The following ZMYND12 variants were observed in gnomAD, a reference collection of about 807,000 sequenced individuals.
ZMYND12 encodes zinc finger MYND-type containing 12, also known as zinc finger MYND domain-containing protein 12.
A neutral mutation model predicts 41.7 loss-of-function variants in ZMYND12; 32 were observed. The observed-to-expected ratio is 0.77, with a 90% CI of 0.58 to 1.03. The LOEUF is 1.03. ZMYND12 is among the 50% of genes least tolerant of loss of function. ZMYND12 has a pLI of 0.00. For synonymous variants in ZMYND12, 148 were observed against 164.8 expected (o/e 0.90, Z 0.78); for missense variants, 424 against 438.5 (o/e 0.97, Z 0.30).
intron 1 of ZMYND12, among the ~76,000 whole-genome samples, chr1:42,452,835 A>C (rs1218032875): frequency 4.6e-5 from 7 of 152,206 alleles, no homozygotes; most frequent in African/African-American, 1.7e-4. Flanking sequence ...AAATAAATGT[A>C]TTCAGAGAAA....
At chr1:42,449,235 T>C (rs1166570606) in intron 2 of ZMYND12, among the ~76,000 whole-genome samples, 2 of 152,240 alleles carry the variant, frequency 1.3e-5, no homozygotes, top group Non-Finnish European at 2.9e-5. Context: ...ATAATAATAG[T>C]GGCAGGTTTT....
intron 1 of ZMYND12, among the ~76,000 whole-genome samples, chr1:42,455,243 G>T (rs1643145210): frequency 1.3e-5 from 2 of 152,170 alleles, no homozygotes; most frequent in Admixed American, 1.3e-4. Context: ...TCAAAATGCA[G>T]CTCAAATGTT....
At chr1:42,445,431 TA>T (rs573648674) in intron 3 of ZMYND12, among the ~76,000 whole-genome samples, 1,156 of 106,642 alleles carry the variant, frequency 0.011, 6 homozygotes, top group African/African-American at 0.032. Context: ...GGACTCCGTC[TA>T]AAAAAAAAAA....
At chr1:42,447,860 A>T (rs1643040080) in intron 3 of ZMYND12, among the ~76,000 whole-genome samples, 1 of 152,010 alleles carries the variant, frequency 6.6e-6, no homozygotes. Flanking sequence ...TCTCCCATCT[A>T]TAGGGGTGGG....
At chr1:42,437,152 T>G (rs142619840) in intron 4 of ZMYND12, among the ~76,000 whole-genome samples, 17 of 152,264 alleles carry the variant, frequency 1.1e-4, no homozygotes, top group African/African-American at 3.9e-4. Context: ...CATGGATGAA[T>G]CTCAAAATAA....
At position 42,452,299 on chromosome 1, in the gene ZMYND12, T is replaced by C. The variant is rs187489277; in HGVS notation, c.111-2240A>G. On this transcript the variant is annotated intron_variant, in intron 1 of 7. Coordinates refer to ENST00000372565, the MANE Select transcript of ZMYND12 (RefSeq NM_032257.5). ...ATTCAAGAACAGGAAGCAATAGTAT[T>C]TGTAGTGAATTACAGAATGTACGCC... Among the ~76,000 whole-genome samples, 25 of 152,346 alleles carry C rather than the reference T, an allele frequency of 1.6e-4. No individual in the cohort carries two copies. The South Asian group carries it at 2.7e-3, about 16-fold the overall frequency.
chr1:42,437,750 T>A (rs1363380754), intron 4 of ZMYND12, among the ~76,000 whole-genome samples: 1 of 151,990 alleles, frequency 6.6e-6, no homozygotes, highest in Non-Finnish European at 1.5e-5. Flanking sequence ...GGCGCAATCC[T>A]GGCTCACTGC....
intron 2 of ZMYND12, among the ~76,000 whole-genome samples, chr1:42,449,220 T>C (rs1262328179): frequency 6.6e-6 from 1 of 152,230 alleles, no homozygotes; most frequent in African/African-American, 2.4e-5. Flanking sequence ...TACTCAACAC[T>C]ATACATAATA....
At chr1:42,438,633 C>T (rs7529199) in intron 4 of ZMYND12, among the ~76,000 whole-genome samples, 32,801 of 152,064 alleles carry the variant, frequency 0.22, 3,751 homozygotes, top group South Asian at 0.43. Flanking sequence ...GGCCAGAGAG[C>T]AATGGAGTCC....
chr1:42,436,468 A>C lies in ZMYND12; in HGVS notation c.670T>G (p.Phe224Val), dbSNP rs895088721. 3 of 1,613,712 alleles carry C rather than the reference A, an allele frequency of 1.9e-6. No homozygotes were observed. The highest frequency in any genetic ancestry group is 2.7e-5 in the African/African-American group (2 of 74,928). The change falls in exon 5 of 8, where the codon TTC becomes GTC. Residue 224 changes from phenylalanine to valine, a missense_variant. Physicochemically the swap from Phe to Val is conservative, Grantham distance 50. Transcript: ENST00000372565. ...SGGYFHLANI[F>V]YDLKKLDLAD... ...AGGTCCAACTTTTTAAGGTCATAGA[A>C]TATATTAGCCAGGTGGAAGTAGCCT...
intron 6 of ZMYND12, 150 bp downstream of exon 6, chr1:42,435,124 C>T (rs1017845548): frequency 3.2e-6 from 2 of 633,584 alleles, no homozygotes; most frequent in African/African-American, 3.7e-5. Flanking sequence ...TCTTTGATCC[C>T]CGTGTCTCAG....
intron 6 of ZMYND12, among the ~76,000 whole-genome samples, chr1:42,434,724 T>C (rs1213523193): frequency 6.6e-6 from 1 of 151,970 alleles, no homozygotes; most frequent in Admixed American, 6.6e-5. Flanking sequence ...CACTCCCAGA[T>C]GGGACCATCT....
At chr1:42,442,023 G>A (rs1022087212) in intron 3 of ZMYND12, among the ~76,000 whole-genome samples, 5 of 152,170 alleles carry the variant, frequency 3.3e-5, no homozygotes, top group African/African-American at 1.2e-4. Context: ...CAAATATGGA[G>A]GGTGTAGGGA....
At chr1:42,434,991 T>G (rs551560177) in intron 6 of ZMYND12, among the ~76,000 whole-genome samples, 3 of 152,162 alleles carry the variant, frequency 2.0e-5, no homozygotes, top group Non-Finnish European at 4.4e-5. Context: ...AAATGGATGC[T>G]CTGCAGAAAT....
chr1:42,435,010 G>A (rs1424621902), intron 6 of ZMYND12, among the ~76,000 whole-genome samples: 1 of 151,998 alleles, frequency 6.6e-6, no homozygotes, highest in Non-Finnish European at 1.5e-5. Context: ...ATCACAGGGG[G>A]CTTTGATGTG....
Position 42,450,858 on chromosome 1 carries a change from G to T in ZMYND12, c.111-799C>A, listed in dbSNP as rs548149311. On this transcript the variant is annotated intron_variant, in intron 1 of 7. Transcript: ENST00000372565. ...TTCTTCTGTGACTCATTGGTTAAGA[G>T]TGTGTTATTTCTACATATTTGTAAA... Among the ~76,000 whole-genome samples the T allele has an allele frequency of 6.6e-4, 100 of 152,274 alleles. 2 individuals are homozygous for T. The highest frequency in any genetic ancestry group is 3.4e-3 in the Middle Eastern group (1 of 294).
chr1:42,439,533 G>C (rs957088068), intron 4 of ZMYND12, among the ~76,000 whole-genome samples: 2 of 151,658 alleles, frequency 1.3e-5, no homozygotes, highest in Non-Finnish European at 2.9e-5. Context: ...CAAAGTGCTG[G>C]GATTACAGGC....
chr1:42,455,927 G>C lies in ZMYND12; in HGVS notation c.71C>G (p.Ala24Gly). 6.2e-7 allele frequency: 1 copy of C among 1,613,762 alleles called. No homozygotes were observed. The highest frequency in any genetic ancestry group is 1.3e-5 in the African/African-American group (1 of 75,040). ...TGTGCAGGCCGCGCACACCCGCTCGGCTGGGGCTTCGCACACCTCACAGCA... is the reference window on the plus strand; with the variant it reads ...TGTGCAGGCCGCGCACACCCGCTCGCCTGGGGCTTCGCACACCTCACAGCA... ...RLCCEVCEAP[A>G]ERVCAACTVT... The change falls in exon 1 of 8, where the codon GCC (alanine) becomes GGC (glycine). Residue 24 changes from alanine (A) to glycine (G), a missense_variant. By Grantham distance (60) the Ala-to-Gly change is moderately conservative. Transcript: ENST00000372565.
At chr1:42,435,717 T>C (rs1049205504) in intron 5 of ZMYND12, among the ~76,000 whole-genome samples, 4 of 152,222 alleles carry the variant, frequency 2.6e-5, no homozygotes, top group Non-Finnish European at 5.9e-5. Context: ...TTATTCCCAT[T>C]TTACATGTAA....
Sources: allele counts gnomAD v4.1 joint callset (sites outside exome capture counted in the v4.1 genomes callset), GRCh38; gene constraint gnomAD v4.1.1; transcripts MANE v1.5; gene names NCBI Gene and HGNC (gene_info 2026-07-23, HGNC 2026-07-21).